KCNMA1: variants seen among roughly 807,000 people sequenced by gnomAD.
KCNMA1 encodes the protein potassium calcium-activated channel subfamily M alpha 1.
A neutral mutation model predicts 140.0 loss-of-function variants in KCNMA1; 29 were observed. The observed-to-expected ratio is 0.21, with a 90% CI of 0.15 to 0.28. KCNMA1 has a LOEUF of 0.28. KCNMA1 is among the 10% of genes least tolerant of loss of function. The probability of loss-of-function intolerance (pLI) is 1.00; values close to 1 mark genes in which losing one functional copy is unlikely to be tolerated. For missense variants in KCNMA1, 880 were observed against 1,602.2 expected (o/e 0.55, Z 7.70); for synonymous variants, 612 against 611.9 (o/e 1.00, Z 0.00).
chr10:77,337,266 G>A (rs534056680), intron 2 of KCNMA1, among the ~76,000 whole-genome samples: 1 of 152,272 alleles, frequency 6.6e-6, no homozygotes, highest in South Asian at 2.1e-4. Flanking sequence ...TATTTACCAA[G>A]CATAATATAA....
chr10:77,452,218 G>C (rs527855456), intron 1 of KCNMA1, among the ~76,000 whole-genome samples: 2 of 152,280 alleles, frequency 1.3e-5, no homozygotes, highest in African/African-American at 4.8e-5. Flanking sequence ...AGTAAGACTG[G>C]CCATGCCTCC....
intron 16 of KCNMA1, chr10:77,020,520 G>C (rs148548874): frequency 3.3e-5 from 5 of 152,262 alleles, no homozygotes; most frequent in African/African-American, 1.2e-4. Context: ...ACAACCACAG[G>C]CAGCAGTGAG....
chr10:77,400,839 G>A (rs960869365), intron 2 of KCNMA1, among the ~76,000 whole-genome samples: 10 of 152,004 alleles, frequency 6.6e-5, no homozygotes, highest in South Asian at 2.1e-4. Context: ...CACAAGAGGC[G>A]TTCAACAGTG....
At chr10:77,265,889 T>C (rs1468301090) in intron 2 of KCNMA1, among the ~76,000 whole-genome samples, 2 of 152,130 alleles carry the variant, frequency 1.3e-5, no homozygotes, top group African/African-American at 4.8e-5. Context: ...AAGACCAGCC[T>C]GGGCAACATG....
intron 22 of KCNMA1, chr10:76,948,866 G>A (rs2065221337): frequency 3.9e-6 from 2 of 515,168 alleles, no homozygotes; most frequent in Non-Finnish European, 7.0e-6. Context: ...ATAGGCAGGA[G>A]TGAGAGTGTT....
At chr10:77,306,830 C>T (rs1477713948) in intron 2 of KCNMA1, among the ~76,000 whole-genome samples, 3 of 152,118 alleles carry the variant, frequency 2.0e-5, no homozygotes, top group Non-Finnish European at 4.4e-5. Context: ...GCTGTCAGAC[C>T]CAGCTTACGC....
intron 2 of KCNMA1, among the ~76,000 whole-genome samples, chr10:77,286,554 A>G (rs1295699474): frequency 6.6e-6 from 1 of 152,208 alleles, no homozygotes; most frequent in African/African-American, 2.4e-5. Context: ...ATGCATAAAC[A>G]GACAGTGTTC....
intron 19 of KCNMA1, among the ~76,000 whole-genome samples, chr10:76,996,106 G>A (rs545682710): frequency 2.0e-5 from 3 of 152,310 alleles, no homozygotes; most frequent in African/African-American, 7.2e-5. Context: ...ACAAGCCAGT[G>A]ACTTTACCTG....
At chr10:76,997,238 C>T (rs1014635218) in intron 19 of KCNMA1, among the ~76,000 whole-genome samples, 1 of 152,180 alleles carries the variant, frequency 6.6e-6, no homozygotes, top group Non-Finnish European at 1.5e-5. Context: ...GCTTAACCAT[C>T]GGAGTTGAAT....
chr10:77,354,257 TGCTGAA>T (rs1231666325), intron 2 of KCNMA1: 1 of 152,298 alleles, frequency 6.6e-6, no homozygotes, highest in Non-Finnish European at 1.5e-5. Flanking sequence ...CATCCCAAAG[TGCTGAA>T]AGTGACAGGG....
At chr10:77,473,303 G>A (rs2098207376) in intron 1 of KCNMA1, among the ~76,000 whole-genome samples, 1 of 152,340 alleles carries the variant, frequency 6.6e-6, no homozygotes, top group East Asian at 1.9e-4. Flanking sequence ...CCGCAGAACT[G>A]AACACTCACA....
At chr10:77,533,027 C>G (rs1226790649) in intron 1 of KCNMA1, among the ~76,000 whole-genome samples, 1 of 152,130 alleles carries the variant, frequency 6.6e-6, no homozygotes, top group Admixed American at 6.5e-5. Flanking sequence ...ACTTTCTCCC[C>G]TGCAATAGTA....
At chr10:76,966,739 G>C (rs1007252133) in intron 20 of KCNMA1, among the ~76,000 whole-genome samples, 1 of 152,160 alleles carries the variant, frequency 6.6e-6, no homozygotes, top group Admixed American at 6.5e-5. Context: ...GGAAATAACA[G>C]GCAGAGAGAG....
chr10:77,056,828 G>A (rs1040688684), intron 14 of KCNMA1, among the ~76,000 whole-genome samples: 1 of 152,166 alleles, frequency 6.6e-6, no homozygotes, highest in Non-Finnish European at 1.5e-5. Context: ...GGAGGGAAGA[G>A]TCAATGAACT....
intron 1 of KCNMA1, among the ~76,000 whole-genome samples, chr10:77,442,244 C>T (rs952712233): frequency 6.6e-6 from 1 of 152,210 alleles, no homozygotes; most frequent in African/African-American, 2.4e-5. Flanking sequence ...GAGCAGCCAC[C>T]TGGAGGAATG....
chr10:77,324,971 CTGTGTGTGTGTGTGTGTG>C (rs144907110), intron 2 of KCNMA1, among the ~76,000 whole-genome samples: 2 of 90,378 alleles, frequency 2.2e-5, no homozygotes, highest in African/African-American at 9.3e-5. Context: ...CTCTCTCTCT[CTGTGTGTGTGTGTGTGTG>C]TGTGTGTGTG....
intron 9 of KCNMA1, among the ~76,000 whole-genome samples, chr10:77,107,418 C>T (rs1238547338): frequency 6.6e-6 from 1 of 152,144 alleles, no homozygotes; most frequent in African/African-American, 2.4e-5. Context: ...GTACATTTAA[C>T]TCTATGTAAG....
intron 19 of KCNMA1, among the ~76,000 whole-genome samples, chr10:76,986,891 C>T (rs780511323): frequency 2.6e-5 from 4 of 152,102 alleles, no homozygotes; most frequent in Admixed American, 1.3e-4. Context: ...GCAGAAACAA[C>T]GGAACAAATG....
At chr10:77,429,033 T>A (rs770904947) in intron 1 of KCNMA1, among the ~76,000 whole-genome samples, 3 of 152,192 alleles carry the variant, frequency 2.0e-5, no homozygotes. Flanking sequence ...AATGCTGGGC[T>A]GTGGTAAATG....
Sources: allele counts gnomAD v4.1 joint callset (sites outside exome capture counted in the v4.1 genomes callset), GRCh38; gene constraint gnomAD v4.1.1; transcripts MANE v1.5; gene names NCBI Gene and HGNC (gene_info 2026-07-23, HGNC 2026-07-21).